The following ERCC6L2 variants were observed in gnomAD, a reference collection of about 807,000 sequenced individuals.
The protein encoded by ERCC6L2 is DNA excision repair protein ERCC-6-like 2.
Under a neutral mutation model 132.0 loss-of-function variants are expected in ERCC6L2, and 77 were observed. That is an observed-to-expected ratio of 0.58 (90% CI 0.49 to 0.71). ERCC6L2 has a LOEUF of 0.71. Ranked by LOEUF, ERCC6L2 falls within the 30% of genes least tolerant of loss-of-function variation. The pLI is 0.00. For missense variants in ERCC6L2, 1,542 were observed against 1,837.6 expected, an observed-to-expected ratio of 0.84 and a Z score of 2.94; for synonymous variants, 583 against 632.4, an observed-to-expected ratio of 0.92 and a Z score of 1.17.
chr9:95,897,892 G>A lies in ERCC6L2; in HGVS notation c.515G>A (p.Arg172His), dbSNP rs755468545. Reference sequence around the variant, plus strand: ...GCAGTTTTGCATAAAAAGGGAACTCGTGAGGATATTGAAAATAACATGCCA... The same window carrying A: ...GCAGTTTTGCATAAAAAGGGAACTCATGAGGATATTGAAAATAACATGCCA... ...LAAVLHKKGT[R>H]EDIENNMPEF... Residue 172 changes from arginine (R) to histidine (H), a missense_variant, in exon 3 of 19, where the codon CGT (arginine) becomes CAT (histidine). This residue lies in a region of ERCC6L2 where 945 missense variants were observed against 1,105.2 expected (regional missense o/e 0.86). Transcript: ENST00000653738. 4 of 1,612,342 alleles carry A rather than the reference G, an allele frequency of 2.5e-6. No individual in the cohort carries two copies. Among genetic ancestry groups the A allele is most frequent in the Non-Finnish European group, 3.4e-6 (4 of 1,179,308 alleles).
At chr9:95,959,971 G>A (rs1831824056) in intron 13 of ERCC6L2, among the ~76,000 whole-genome samples, 1 of 152,098 alleles carries the variant, frequency 6.6e-6, no homozygotes, top group South Asian at 2.1e-4. Context: ...GGGAGCCTTA[G>A]GGTAACTGTG....
chr9:95,916,392 C>A lies in ERCC6L2; in HGVS notation c.1116C>A (p.Thr372=). Residue 372 remains threonine, a synonymous_variant, in exon 6 of 19, where the codon ACC becomes ACA. Transcript: ENST00000653738. ...KKMSGWFLRR[T]KTLIKDQLPK... ...TGTCTGGCTGGTTTCTCAGGCGCAC[C>A]AAGACTCTTATCAAGGATCAGTTGC... 1 of 1,601,292 alleles carries A rather than the reference C, an allele frequency of 6.2e-7. No individual in the cohort carries two copies. Among genetic ancestry groups the A allele is most frequent in the South Asian group, 1.1e-5 (1 of 88,684 alleles).
At chr9:95,924,701 A>G (rs902571600) in intron 9 of ERCC6L2, among the ~76,000 whole-genome samples, 3 of 152,132 alleles carry the variant, frequency 2.0e-5, no homozygotes, top group African/African-American at 7.2e-5. Context: ...ATTAATATAT[A>G]CTTGTAAAAT....
intron 3 of ERCC6L2, among the ~76,000 whole-genome samples, chr9:95,898,472 T>G (rs531945235): frequency 1.1e-4 from 17 of 152,246 alleles, no homozygotes; most frequent in Admixed American, 3.9e-4. Flanking sequence ...ACTAGGTAGG[T>G]CTGTGCTTAT....
chr9:95,902,555 G>A (rs1828833875), intron 3 of ERCC6L2, among the ~76,000 whole-genome samples: 1 of 152,078 alleles, frequency 6.6e-6, no homozygotes, highest in African/African-American at 2.4e-5. Flanking sequence ...CACAACTTTT[G>A]CAATAATAAC....
chr9:95,919,511 A>G (rs1829762127), intron 6 of ERCC6L2, among the ~76,000 whole-genome samples: 1 of 152,084 alleles, frequency 6.6e-6, no homozygotes, highest in South Asian at 2.1e-4. Context: ...CCCAAACACA[A>G]CATGTCTAAT....
At chr9:95,952,090 C>T (rs1476161013) in intron 12 of ERCC6L2, among the ~76,000 whole-genome samples, 3 of 135,776 alleles carry the variant, frequency 2.2e-5, no homozygotes, top group Admixed American at 8.5e-5. Flanking sequence ...ATAGCTTAAA[C>T]GAGGGAGTTG....
chr9:95,886,442 G>A (rs546392007), intron 2 of ERCC6L2, among the ~76,000 whole-genome samples: 1 of 152,274 alleles, frequency 6.6e-6, no homozygotes, highest in African/African-American at 2.4e-5. Flanking sequence ...AACAGGCACA[G>A]GAATGACTTC....
intron 19 of ERCC6L2, among the ~76,000 whole-genome samples, chr9:96,023,801 T>C (rs1834326805): frequency 6.6e-6 from 1 of 152,180 alleles, no homozygotes; most frequent in African/African-American, 2.4e-5. Context: ...AAGGATGATC[T>C]GAAATATACA....
intron 11 of ERCC6L2, 23 bp downstream of exon 11, chr9:95,928,887 C>A (rs572210811): frequency 1.5e-5 from 22 of 1,463,596 alleles, no homozygotes; most frequent in South Asian, 2.8e-5. Context: ...AATTTAATAA[C>A]TAGATTTTTA....
Position 95,876,038 on chromosome 9 carries a change from G to A in ERCC6L2, c.-1G>A, listed in dbSNP as rs758868728. Reference sequence around the variant, plus strand: ...CGGGCTCGGCCCCTCCCCCTGGCCGGATGGATCCGTCGGCGCCACAGCCCC... The same window carrying A: ...CGGGCTCGGCCCCTCCCCCTGGCCGAATGGATCCGTCGGCGCCACAGCCCC... On this transcript the variant is annotated 5_prime_UTR_variant, in exon 1 of 19. Transcript: ENST00000653738. 2 of 1,589,352 alleles carry A rather than the reference G, an allele frequency of 1.3e-6. No individual in the cohort carries two copies. Among genetic ancestry groups the A allele is most frequent in the East Asian group, 2.3e-5 (1 of 43,196 alleles).
At chr9:95,893,722 A>G (rs1828289341) in intron 2 of ERCC6L2, among the ~76,000 whole-genome samples, 1 of 152,104 alleles carries the variant, frequency 6.6e-6, no homozygotes. Flanking sequence ...TTATTGGCAA[A>G]GCATTATTAT....
chr9:95,889,006 T>C (rs1564195905), intron 2 of ERCC6L2, among the ~76,000 whole-genome samples: 1 of 152,050 alleles, frequency 6.6e-6, no homozygotes, highest in Non-Finnish European at 1.5e-5. Flanking sequence ...TTTTCGGGGG[T>C]GGGTGGATAA....
At chr9:96,028,169 C>A (rs1043653694) in intron 19 of ERCC6L2, among the ~76,000 whole-genome samples, 1 of 151,862 alleles carries the variant, frequency 6.6e-6, no homozygotes, top group African/African-American at 2.4e-5. Flanking sequence ...TCAGAGTTTC[C>A]TATTTTCCAG....
chr9:95,961,515 A>G (rs927570636), intron 13 of ERCC6L2, among the ~76,000 whole-genome samples: 2 of 152,166 alleles, frequency 1.3e-5, no homozygotes, highest in African/African-American at 4.8e-5. Context: ...AAGACATCCA[A>G]TTTGTAGTAC....
At chr9:95,885,977 A>G (rs1267184294) in intron 2 of ERCC6L2, among the ~76,000 whole-genome samples, 1 of 152,116 alleles carries the variant, frequency 6.6e-6, no homozygotes, top group East Asian at 1.9e-4. Flanking sequence ...AACATTGGTT[A>G]AGGGATGTTT....
rs776098900 is a variant in ERCC6L2, at chr9:96,012,280, G to T, written c.3730G>T (p.Ala1244Ser). Residue 1244 changes from alanine to serine, a missense_variant, in exon 19 of 19, where the codon GCT becomes TCT. By Grantham distance (99) the Ala-to-Ser change is moderately conservative. Around this residue, in one of 4 missense-constraint regions of ERCC6L2, gnomAD observed 442 missense variants for 583.4 expected, o/e 0.76. Transcript: ENST00000653738. The stretch of plus-strand genomic sequence containing the variant: ...TAACTCGTCTTCTGTAAACGAATTT[G>T]CTAAACATATAACCAATGCCACATC... ...YFNSSSVNEFAKHITNATSEE... is the reference protein window; with the variant it reads ...YFNSSSVNEFSKHITNATSEE... The T allele has an allele frequency of 1.5e-6, 2 of 1,317,424 alleles. No homozygotes were observed. The highest frequency in any genetic ancestry group is 2.0e-6 in the Non-Finnish European group (2 of 992,388). 81.6% of individuals were successfully genotyped at this position (1,317,424 alleles called of 1,614,324 possible).
chr9:96,029,079 C>T (rs1362867252), intron 19 of ERCC6L2, among the ~76,000 whole-genome samples: 4 of 151,756 alleles, frequency 2.6e-5, no homozygotes, highest in East Asian at 3.9e-4. Flanking sequence ...TCAAGGTGGG[C>T]GGATCACAAG....
rs1419596845 is a variant in ERCC6L2 at position 95,945,193 on chromosome 9, A to G, written c.1847+3644A>G. ...CCATTTCAGAGGCCTACCCTCAGGGATGCATTCTCTTTCTCAGGGATGTTC... is the reference window on the plus strand; with the variant it reads ...CCATTTCAGAGGCCTACCCTCAGGGGTGCATTCTCTTTCTCAGGGATGTTC... On this transcript the variant is annotated intron_variant, in intron 12 of 18. Transcript: ENST00000653738. 2.0e-5 allele frequency among the ~76,000 whole-genome samples: 3 copies of G among 152,068 alleles called. No individual in the cohort carries two copies. The East Asian group carries it at 5.9e-4, about 30-fold the overall frequency.
Sources: gnomAD v4.1 joint callset for allele counts (sites outside exome capture counted in the v4.1 genomes callset) on GRCh38, gnomAD v4.1.1 for gene constraint, gnomAD v4.1.1 regional missense constraint, MANE v1.5 for transcripts, NCBI Gene and HGNC (gene_info 2026-07-23, HGNC 2026-07-21) for gene names.